The following EGFR variants were observed in gnomAD, a reference collection of about 807,000 sequenced individuals.
The protein encoded by EGFR is avian erythroblastic leukemia viral (v-erb-b) oncogene homolog.
A neutral mutation model predicts 143.0 loss-of-function variants in EGFR; 58 were observed. That is an observed-to-expected ratio of 0.41 (90% CI 0.33 to 0.50). EGFR has a LOEUF of 0.50. Among genes scored for constraint, EGFR ranks in the 20% least tolerant of loss-of-function variants. The probability of loss-of-function intolerance (pLI) is 0.39; values close to 1 mark genes in which losing one functional copy is unlikely to be tolerated. For missense variants in EGFR, 1,307 were observed against 1,579.0 expected (o/e 0.83, Z 2.92); for synonymous variants, 613 against 594.4 (o/e 1.03, Z -0.45).
At chr7:55,063,395 C>CCACATGTGCT (rs1404072023) in intron 1 of EGFR, among the ~76,000 whole-genome samples, 2 of 151,992 alleles carry the variant, frequency 1.3e-5, no homozygotes, top group African/African-American at 4.8e-5. Context: ...GTGATTGAAA[C>CCACATGTGCT]GATGTGGAAT....
chr7:55,039,676 G>T (rs10246420), intron 1 of EGFR, among the ~76,000 whole-genome samples: 21 of 152,230 alleles, frequency 1.4e-4, no homozygotes, highest in African/African-American at 4.8e-4. Context: ...GAAGGTCTGT[G>T]GATACTTGAG....
rs1282838738 is a variant in EGFR, at chr7:55,206,817, T to A, written c.*1200T>A. 1 of 233,122 alleles carries A rather than the reference T, an allele frequency of 4.3e-6. No individual in the cohort carries two copies. The highest frequency in any genetic ancestry group is 1.3e-3 in the Middle Eastern group (1 of 786). The allele number at this position is 233,122 out of a possible 1,614,324, so 14.4% of individuals were successfully genotyped here. Reference sequence around the variant, plus strand: ...ACACAAAAAGTGTCTCTGCCTTGAGTCATCTATTCAAGCACTTACAGCTCT... The same window carrying A: ...ACACAAAAAGTGTCTCTGCCTTGAGACATCTATTCAAGCACTTACAGCTCT... On this transcript the variant is annotated 3_prime_UTR_variant, in exon 28 of 28. Transcript: ENST00000275493.
At chr7:55,184,633 ATC>A (rs1417640976) in intron 20 of EGFR, among the ~76,000 whole-genome samples, 1 of 152,156 alleles carries the variant, frequency 6.6e-6, no homozygotes, top group African/African-American at 2.4e-5. Flanking sequence ...TACAATTTCA[ATC>A]TGTTATTTAA....
intron 1 of EGFR, among the ~76,000 whole-genome samples, chr7:55,067,681 A>C (rs1789580186): frequency 6.6e-6 from 1 of 151,528 alleles, no homozygotes; most frequent in East Asian, 1.9e-4. Flanking sequence ...AAAATATTTA[A>C]TTGACAAATA....
chr7:55,125,930 G>T (rs1293632961), intron 1 of EGFR, among the ~76,000 whole-genome samples: 1 of 152,190 alleles, frequency 6.6e-6, no homozygotes, highest in Non-Finnish European at 1.5e-5. Flanking sequence ...TACAAGCCTT[G>T]CAGCAGGAAC....
At chr7:55,191,179 A>T (rs534718788) in intron 20 of EGFR, among the ~76,000 whole-genome samples, 30 of 152,272 alleles carry the variant, frequency 2.0e-4, no homozygotes, top group African/African-American at 6.5e-4. Flanking sequence ...CATTTTCAGT[A>T]TCCATGTGGT....
chr7:55,146,465 A>C, intron 3 of EGFR, 141 bp from the exon 4 acceptor site: 1 of 1,307,720 alleles, frequency 7.6e-7, no homozygotes, highest in East Asian at 2.5e-5. Flanking sequence ...CCCCCCGGGA[A>C]GTTCACTGGG....
intron 1 of EGFR, among the ~76,000 whole-genome samples, chr7:55,079,183 A>G (rs957705523): frequency 6.6e-6 from 1 of 152,066 alleles, no homozygotes; most frequent in Middle Eastern, 3.4e-3. Context: ...GGGAAAACTT[A>G]CCACCAGGGG....
At chr7:55,189,785 A>C (rs1787306789) in intron 20 of EGFR, among the ~76,000 whole-genome samples, 1 of 152,234 alleles carries the variant, frequency 6.6e-6, no homozygotes, top group Non-Finnish European at 1.5e-5. Flanking sequence ...GTAGAAAGAA[A>C]GGAGAAAGCA....
intron 1 of EGFR, among the ~76,000 whole-genome samples, chr7:55,065,970 A>G (rs971948594): frequency 6.6e-6 from 1 of 150,882 alleles, no homozygotes; most frequent in Non-Finnish European, 1.5e-5. Context: ...TGGCCCTATT[A>G]TGTATCCTGA....
chr7:55,092,415 T>G (rs999243307), intron 1 of EGFR, among the ~76,000 whole-genome samples: 1 of 152,194 alleles, frequency 6.6e-6, no homozygotes, highest in Non-Finnish European at 1.5e-5. Flanking sequence ...GGCCTGCACT[T>G]AAGTGGCCAC....
intron 1 of EGFR, among the ~76,000 whole-genome samples, chr7:55,044,233 C>G (rs1788062818): frequency 6.6e-6 from 1 of 152,184 alleles, no homozygotes; most frequent in Non-Finnish European, 1.5e-5. Context: ...TTGTTCTAAC[C>G]CAGCTTTGTC....
At chr7:55,056,810 G>A (rs190776102) in intron 1 of EGFR, among the ~76,000 whole-genome samples, 12 of 152,350 alleles carry the variant, frequency 7.9e-5, no homozygotes, top group African/African-American at 1.4e-4. Context: ...CAACAACAGC[G>A]TGGTGTGGAG....
chr7:55,168,468 T>G, intron 15 of EGFR: 1 of 1,055,280 alleles, frequency 9.5e-7, no homozygotes, highest in East Asian at 2.4e-5. Flanking sequence ...TTAGTCAAGA[T>G]TTAAATTAAA....
At chr7:55,079,747 C>T (rs1790357695) in intron 1 of EGFR, among the ~76,000 whole-genome samples, 1 of 152,228 alleles carries the variant, frequency 6.6e-6, no homozygotes, top group Non-Finnish European at 1.5e-5. Flanking sequence ...AACCTTAAGA[C>T]CTGAGGACAG....
At chr7:55,135,116 A>G (rs757906920) in intron 1 of EGFR, among the ~76,000 whole-genome samples, 3 of 152,180 alleles carry the variant, frequency 2.0e-5, no homozygotes, top group Non-Finnish European at 4.4e-5. Flanking sequence ...GGAACTCCCA[A>G]GAGGTATTCT....
At chr7:55,022,271 G>A (rs1028157735) in intron 1 of EGFR, among the ~76,000 whole-genome samples, 17 of 152,236 alleles carry the variant, frequency 1.1e-4, no homozygotes, top group African/African-American at 2.2e-4. Context: ...AAGGCGAGTC[G>A]AATTCCCAAC....
chr7:55,184,003 G>T (rs1787015018), intron 20 of EGFR, among the ~76,000 whole-genome samples: 1 of 152,214 alleles, frequency 6.6e-6, no homozygotes, highest in African/African-American at 2.4e-5. Flanking sequence ...ACGTAGTCTT[G>T]GCAGGTTTCG....
chr7:55,070,676 C>G (rs960165274), intron 1 of EGFR, among the ~76,000 whole-genome samples: 1 of 152,162 alleles, frequency 6.6e-6, no homozygotes, highest in African/African-American at 2.4e-5. Flanking sequence ...CCCTGAGTCC[C>G]CCAGTTTATG....
Sources: allele counts gnomAD v4.1 joint callset (sites outside exome capture counted in the v4.1 genomes callset), GRCh38; gene constraint gnomAD v4.1.1; transcripts MANE v1.5; gene names NCBI Gene and HGNC (gene_info 2026-07-23, HGNC 2026-07-21).